The following TEX9 variants were observed in gnomAD, a reference collection of about 807,000 sequenced individuals.
TEX9 encodes the protein testis-expressed protein 9.
Under a neutral mutation model 59.6 loss-of-function variants are expected in TEX9, and 74 were observed. That is an observed-to-expected ratio of 1.24 (90% confidence interval 1.03 to 1.51). The LOEUF is 1.51. Among genes scored for constraint, TEX9 ranks in the 40% most tolerant of loss-of-function variants. The pLI, the probability that TEX9 is intolerant of heterozygous loss-of-function variation, is 0.00. For synonymous variants in TEX9, 186 were observed against 152.2 expected, an observed-to-expected ratio of 1.22 and a Z score of -1.64; for missense variants, 522 against 447.8, an observed-to-expected ratio of 1.17 and a Z score of -1.49.
Position 56,315,771 on chromosome 15 carries a change from A to G in TEX9, c.-106-57670A>G, listed in dbSNP as rs1394910258. ...TTTCCAACTTGGTTCCATTCTCCCCATCACTTTCAGGTACACCAATCAGAT... is the reference window on the plus strand; with the variant it reads ...TTTCCAACTTGGTTCCATTCTCCCCGTCACTTTCAGGTACACCAATCAGAT... On this transcript the variant is annotated intron_variant, in intron 1 of 5. Coordinates refer to the TEX9 transcript ENST00000560827. 2.7e-5 allele frequency among the ~76,000 whole-genome samples: 4 copies of G among 147,118 alleles called. No individual in the cohort carries two copies. In the Admixed American group the frequency reaches 2.8e-4, roughly 10 times the overall value.
At chr15:56,436,312 C>T (rs375251012) in intron 12 of TEX9, among the ~76,000 whole-genome samples, 22 of 152,204 alleles carry the variant, frequency 1.4e-4, no homozygotes, top group East Asian at 5.8e-4. Flanking sequence ...TCACTCAAAA[C>T]CGCTCAGCTA....
intron 1 of TEX9, among the ~76,000 whole-genome samples, chr15:56,245,949 AAG>A (rs1184529356): frequency 5.9e-5 from 9 of 152,092 alleles, no homozygotes; most frequent in African/African-American, 2.2e-4. Context: ...TTGCCTTGCC[AAG>A]AGAGAATGAT....
rs930288433 is a variant in TEX9 at position 56,406,490 on chromosome 15, A to G, written c.829-5812A>G. ...GGAGTGGAATTTGTGAATTTTATGG[A>G]AAGTGTATGCTTAACTTTTTAAGAA... On this transcript the variant is annotated intron_variant, in intron 9 of 12. Coordinates refer to ENST00000352903, the Ensembl canonical transcript of TEX9. Among the ~76,000 whole-genome samples the G allele has an allele frequency of 2.6e-5, 4 of 152,180 alleles. No individual in the cohort carries two copies. In the South Asian group the frequency reaches 6.2e-4, roughly 24 times the overall value.
chr15:56,343,145 C>T (rs2046405108), intron 1 of TEX9, among the ~76,000 whole-genome samples: 1 of 152,060 alleles, frequency 6.6e-6, no homozygotes, highest in South Asian at 2.1e-4. Context: ...TAATTTAAAA[C>T]AGTTCATAGA....
intron 9 of TEX9, among the ~76,000 whole-genome samples, chr15:56,411,350 CA>C (rs1440269637): frequency 6.6e-6 from 1 of 152,120 alleles, no homozygotes; most frequent in Non-Finnish European, 1.5e-5. Flanking sequence ...GGGATAGTTT[CA>C]GTACCACATA....
At chr15:56,416,361 G>A (rs1340142763) in intron 10 of TEX9, among the ~76,000 whole-genome samples, 1 of 151,830 alleles carries the variant, frequency 6.6e-6, no homozygotes, top group Non-Finnish European at 1.5e-5. Flanking sequence ...GCCATAGATG[G>A]CTCTTATTAT....
intron 1 of TEX9, among the ~76,000 whole-genome samples, chr15:56,344,365 C>T (rs900821013): frequency 3.9e-5 from 6 of 152,054 alleles, no homozygotes; most frequent in African/African-American, 1.2e-4. Context: ...ATAAATGCTA[C>T]GACAAAGGTG....
intron 1 of TEX9, among the ~76,000 whole-genome samples, chr15:56,342,574 C>T (rs1047003843): frequency 4.0e-5 from 6 of 151,874 alleles, no homozygotes; most frequent in Non-Finnish European, 5.9e-5. Flanking sequence ...TTGGTGTTAT[C>T]GGGGAGTGGC....
intron 1 of TEX9, among the ~76,000 whole-genome samples, chr15:56,311,175 G>T (rs2045604089): frequency 7.0e-6 from 1 of 143,802 alleles, no homozygotes; most frequent in Admixed American, 6.8e-5. Context: ...TAAGTTTTAG[G>T]GTACATGTGC....
chr15:56,362,554 G>T (rs2046808673), upstream of TEX9, among the ~76,000 whole-genome samples: 1 of 152,164 alleles, frequency 6.6e-6, no homozygotes, highest in South Asian at 2.1e-4. Flanking sequence ...TTAACAGCTT[G>T]AGTGATTTAT....
At chr15:56,378,490 T>A (rs1207041242) in intron 3 of TEX9, among the ~76,000 whole-genome samples, 1 of 152,166 alleles carries the variant, frequency 6.6e-6, no homozygotes, top group Non-Finnish European at 1.5e-5. Context: ...TTCCTCTAGA[T>A]TTTCCTATTT....
Position 56,385,334 on chromosome 15 carries a change from A to G in TEX9, c.263+1303A>G, listed in dbSNP as rs529309637. ...AATTGAGAAAATCTGTAAGGAACAA[A>G]AGCCTATCAAAATTCAACCTTGAGA... On this transcript the variant is annotated intron_variant, in intron 4 of 12. Coordinates refer to ENST00000352903, the Ensembl canonical transcript of TEX9. Among the ~76,000 whole-genome samples, 27 of 152,288 alleles carry G rather than the reference A, an allele frequency of 1.8e-4. 1 individual carries two copies. The South Asian group carries it at 5.6e-3, about 32-fold the overall frequency.
chr15:56,336,988 A>G lies in TEX9; in HGVS notation c.-106-36453A>G, dbSNP rs566661859. ...TAACCCTGAAGAGGGTATCTGAACA[A>G]TGCATGACAACATCTTCTATAGTCT... On this transcript the variant is annotated intron_variant, in intron 1 of 5. Transcript: ENST00000560827. Among the ~76,000 whole-genome samples, 91 of 152,268 alleles carry G rather than the reference A, an allele frequency of 6.0e-4. No individual in the cohort carries two copies. In the South Asian group the frequency reaches 8.7e-3, roughly 15 times the overall value.
At chr15:56,457,658 C>G in the TEX9 span, among the ~76,000 whole-genome samples, 1 of 151,980 alleles carries the variant, frequency 6.6e-6, no homozygotes, top group Non-Finnish European at 1.5e-5. Context: ...GCTGTCCTTA[C>G]AGAAAATTAG....
chr15:56,269,274 C>T (rs1329135114), intron 1 of TEX9, among the ~76,000 whole-genome samples: 2 of 152,056 alleles, frequency 1.3e-5, no homozygotes, highest in Non-Finnish European at 2.9e-5. Flanking sequence ...AAAACCAGCT[C>T]CTGGATTCAT....
chr15:56,289,164 G>A (rs987582606), intron 1 of TEX9, among the ~76,000 whole-genome samples: 9 of 152,032 alleles, frequency 5.9e-5, no homozygotes, highest in East Asian at 3.9e-4. Context: ...GTATTTTCTC[G>A]AGGTTTTCTG....
intron 3 of TEX9, chr15:56,374,423 TAC>T (rs1409808428): frequency 6.6e-6 from 1 of 152,184 alleles, no homozygotes; most frequent in East Asian, 1.9e-4. Flanking sequence ...TGTTTGTGGT[TAC>T]ATAGTAAGTG....
At chr15:56,299,141 C>A (rs2045283485) in intron 1 of TEX9, among the ~76,000 whole-genome samples, 1 of 152,202 alleles carries the variant, frequency 6.6e-6, no homozygotes, top group South Asian at 2.1e-4. Context: ...GAAAGACAGT[C>A]TTTAATTGCT....
At chr15:56,438,552 C>T (rs1486656451) in intron 12 of TEX9, among the ~76,000 whole-genome samples, 1 of 152,068 alleles carries the variant, frequency 6.6e-6, no homozygotes, top group African/African-American at 2.4e-5. Context: ...TAGAAGAAAA[C>T]CTAGGCAATA....
Sources: gnomAD v4.1 joint callset for allele counts (sites outside exome capture counted in the v4.1 genomes callset) on GRCh38, gnomAD v4.1.1 for gene constraint, MANE v1.5 for transcripts, NCBI Gene and HGNC (gene_info 2026-07-23, HGNC 2026-07-21) for gene names.